The following NAV1 variants were observed in gnomAD, a reference collection of about 807,000 sequenced individuals.
NAV1 encodes the protein neuron navigator 1.
A neutral mutation model predicts 175.2 loss-of-function variants in NAV1; 18 were observed. That is an observed-to-expected ratio of 0.10 (90% CI 0.07 to 0.15). The LOEUF is 0.15. NAV1 is among the 10% of genes least tolerant of loss of function. The probability of loss-of-function intolerance (pLI) is 1.00; values close to 1 mark genes in which losing one functional copy is unlikely to be tolerated. For missense variants in NAV1, 1,731 were observed against 2,436.6 expected (o/e 0.71, Z 6.10); for synonymous variants, 897 against 978.7 (o/e 0.92, Z 1.56).
intron 1 of NAV1, among the ~76,000 whole-genome samples, chr1:201,651,232 C>A (rs1005411353): frequency 2.6e-5 from 4 of 151,424 alleles, no homozygotes; most frequent in Admixed American, 2.6e-4. Context: ...AGGCACAGAA[C>A]CCTTTTCAGG....
In NAV1 at chr1:201,764,748, C is replaced by T. The variant is rs116762269; in HGVS notation, c.1227-15673C>T. The stretch of plus-strand genomic sequence containing the variant: ...ATAATTTAAAGAAAATTTTCTGAGT[C>T]ATAGACACATTTGAGAATCTGAAAG... On this transcript the variant is annotated intron_variant, in intron 3 of 29. Transcript: ENST00000367296. Among the ~76,000 whole-genome samples, 270 of 150,304 alleles carry T rather than the reference C, an allele frequency of 1.8e-3. 1 individual carries two copies. The highest frequency in any genetic ancestry group is 6.5e-3 in the African/African-American group (261 of 39,876).
intron 1 of NAV1, among the ~76,000 whole-genome samples, chr1:201,665,440 G>A (rs564108568): frequency 6.6e-6 from 1 of 152,162 alleles, no homozygotes; most frequent in South Asian, 2.1e-4. Context: ...ATGGAGATGG[G>A]GTGAGGCCTA....
chr1:201,780,032 A>G (rs1456430838), intron 3 of NAV1, among the ~76,000 whole-genome samples: 5 of 152,202 alleles, frequency 3.3e-5, no homozygotes, highest in African/African-American at 1.2e-4. Flanking sequence ...GGAGGGGGAG[A>G]ATAGATGCAG....
At chr1:201,649,693 T>TG (rs1187396186) in intron 1 of NAV1, among the ~76,000 whole-genome samples, 1 of 151,648 alleles carries the variant, frequency 6.6e-6, no homozygotes, top group African/African-American at 2.4e-5. Context: ...GACAATGGGA[T>TG]GGGGGGTGAG....
chr1:201,759,920 T>C lies in NAV1; in HGVS notation c.1227-20501T>C, dbSNP rs574204210. On this transcript the variant is annotated intron_variant, in intron 3 of 29. Transcript: ENST00000367296. ...ATTGGTAGGTTTCCCTTGCAATACA[T>C]TGAAGCTCCTTCAAGTCCTGAGGTT... 3.5e-4 allele frequency among the ~76,000 whole-genome samples: 54 copies of C among 152,328 alleles called. 1 individual carries two copies. The South Asian group carries it at 0.01, about 29-fold the overall frequency.
Position 201,787,504 on chromosome 1 carries a change from A to T in NAV1, c.2995+927A>T. The T allele has an allele frequency of 2.7e-6, 1 of 365,114 alleles. No homozygotes were observed. The allele number at this position is 365,114 out of a possible 1,614,324, so 22.6% of individuals were successfully genotyped here. ...TGCCCTCTGAAGGGCTACTAAATGG[A>T]GGATGGGGCCAGCTTGTTCTCTATC... On this transcript the variant is annotated intron_variant, in intron 9 of 29. Coordinates refer to ENST00000367296, the Ensembl canonical transcript of NAV1. This position sits in a 1 kb window ranked among gnomAD's most constrained non-coding sequence, Gnocchi z 4.3.
chr1:201,785,425 G>T (rs989009033), intron 8 of NAV1, 74 bp downstream of exon 12: 7 of 1,462,754 alleles, frequency 4.8e-6, no homozygotes, highest in Non-Finnish European at 6.6e-6. Flanking sequence ...ATCTCAACCT[G>T]TCCAAGGCTC....
intron 3 of NAV1, among the ~76,000 whole-genome samples, chr1:201,749,301 C>T (rs1673959742): frequency 6.6e-6 from 1 of 152,228 alleles, no homozygotes; most frequent in African/African-American, 2.4e-5. Flanking sequence ...CAAAAAAATT[C>T]AGAGGTGAAG....
exon 30 of NAV1, chr1:201,822,536 TTCTTG>T (rs1679445904): frequency 2.0e-5 from 3 of 152,622 alleles, no homozygotes; most frequent in African/African-American, 7.2e-5. Flanking sequence ...CCCAAAGGGA[TTCTTG>T]GCTCTCTGGT....
intron 1 of NAV1, among the ~76,000 whole-genome samples, chr1:201,625,760 G>A (rs1668314173): frequency 6.6e-6 from 1 of 152,138 alleles, no homozygotes. Context: ...AAGTGTCTAG[G>A]CATTAAATTG....
rs181103704 is a variant in NAV1 at position 201,581,693 on chromosome 1, G to C, written c.-143-6846G>C. On this transcript the variant is annotated intron_variant, in intron 1 of 33. Transcript: ENST00000685211. ...AAAATACAAAAATTAGCCGGGTGTC[G>C]TGGTGGGCGCCTGTTATCCCAGCTA... Among the ~76,000 whole-genome samples, 37 of 151,992 alleles carry C rather than the reference G, an allele frequency of 2.4e-4. No individual in the cohort carries two copies. The East Asian group carries it at 5.2e-3, about 21-fold the overall frequency.
At chr1:201,818,631 T>C (rs1679209370) in intron 29 of NAV1, among the ~76,000 whole-genome samples, 1 of 151,436 alleles carries the variant, frequency 6.6e-6, no homozygotes, top group African/African-American at 2.4e-5. Flanking sequence ...ATTGAGGAAA[T>C]GCAAATTAAA....
chr1:201,629,098 C>G (rs532000473), intron 1 of NAV1, among the ~76,000 whole-genome samples: 1 of 152,208 alleles, frequency 6.6e-6, no homozygotes, highest in Non-Finnish European at 1.5e-5. Flanking sequence ...TAGGGTATCC[C>G]TCTGCCCTAT....
chr1:201,560,449 T>G (rs547911389), intron 1 of NAV1, among the ~76,000 whole-genome samples: 1 of 152,252 alleles, frequency 6.6e-6, no homozygotes, highest in African/African-American at 2.4e-5. Context: ...CCATTGAAGA[T>G]CCCAAACTAC....
intron 1 of NAV1, among the ~76,000 whole-genome samples, chr1:201,577,591 G>A (rs1666729641): frequency 6.6e-6 from 1 of 151,526 alleles, no homozygotes; most frequent in South Asian, 2.1e-4. Context: ...AATCAGTTGG[G>A]CATATTTGTG....
intron 1 of NAV1, among the ~76,000 whole-genome samples, chr1:201,670,746 ATGG>A (rs1160204844): frequency 7.2e-5 from 11 of 151,864 alleles, no homozygotes; most frequent in South Asian, 4.2e-4. Context: ...TGTTTTGGTG[ATGG>A]TGGTGGAGAT....
chr1:201,547,672 C>A (rs763336523), intron 1 of NAV1, among the ~76,000 whole-genome samples: 9 of 152,106 alleles, frequency 5.9e-5, no homozygotes, highest in Non-Finnish European at 8.8e-5. Flanking sequence ...ATAGTATGAG[C>A]CATTATTACC....
chr1:201,661,041 G>A (rs779892597), intron 1 of NAV1, among the ~76,000 whole-genome samples: 22 of 152,206 alleles, frequency 1.4e-4, no homozygotes, highest in Non-Finnish European at 2.2e-4. Context: ...GGAAGCTTAA[G>A]GAAGCCTAAA....
chr1:201,655,107 G>T (rs1669348687), intron 1 of NAV1, among the ~76,000 whole-genome samples: 1 of 152,116 alleles, frequency 6.6e-6, no homozygotes. Context: ...CCTGATAGGA[G>T]ATGTCTGACC....
Sources: allele counts gnomAD v4.1 joint callset (sites outside exome capture counted in the v4.1 genomes callset), GRCh38; gene constraint gnomAD v4.1.1; non-coding constraint Gnocchi (gnomAD v3.1); transcripts MANE v1.5; gene names NCBI Gene and HGNC (gene_info 2026-07-23, HGNC 2026-07-21).